The following TTN variants were observed in gnomAD, a reference collection of about 807,000 sequenced individuals.
TTN encodes the protein titin, also known as connectin.
Under a neutral mutation model 3,223.0 loss-of-function variants are expected in TTN, and 1,525 were observed. The observed-to-expected ratio is 0.47, with a 90% CI of 0.45 to 0.49. The LOEUF (loss-of-function observed/expected upper bound fraction) is 0.49. TTN is among the 20% of genes least tolerant of loss of function. The pLI, the probability that TTN is intolerant of heterozygous loss-of-function variation, is 0.00. For synonymous variants in TTN, 14,094 were observed against 15,161.0 expected (o/e 0.93, Z 5.17); for missense variants, 40,786 against 43,424.0 (o/e 0.94, Z 5.40).
rs546048021 is a variant in TTN at position 178,531,279 on chromosome 2, C to T, written c.105336G>A (p.Lys35112=). The T allele has an allele frequency of 1.2e-5, 19 of 1,613,994 alleles. No individual in the cohort carries two copies. The East Asian group carries it at 4.0e-4, about 34-fold the overall frequency. Reference sequence around the variant, plus strand: ...TGGTTGTGGATTTTTCTTCCAGTGACTTTTCTTCTAATGCAGCACTTTTCA... The same window carrying T: ...TGGTTGTGGATTTTTCTTCCAGTGATTTTTCTTCTAATGCAGCACTTTTCA... ...AEMKSAALEE[K]SLEEKSTTRK... The change falls in exon 358 of 363, where the codon AAG becomes AAA. Residue 35112 remains lysine (K), a synonymous_variant. Coordinates refer to ENST00000589042, the MANE Select transcript of TTN (RefSeq NM_001267550.2).
intron 335 of TTN, 146 bp from the exon 336 acceptor site, chr2:178,551,406 T>C (rs1699383563): frequency 2.7e-6 from 2 of 732,322 alleles, no homozygotes; most frequent in Non-Finnish European, 3.9e-6. Flanking sequence ...CCCAAACTCA[T>C]ATTGGTCATT....
rs1157109852 is a variant in TTN at position 178,681,750 on chromosome 2, C to T, written c.33095-12G>A. 1.3e-6 allele frequency: 2 copies of T among 1,573,254 alleles called. No homozygotes were observed. The highest frequency in any genetic ancestry group is 1.7e-6 in the Non-Finnish European group (2 of 1,164,968). ...AGGCTTCTCTGGTTCTTTAAAAGTACATACAAGGTATTTCATGTTAGACTT... is the reference window on the plus strand; with the variant it reads ...AGGCTTCTCTGGTTCTTTAAAAGTATATACAAGGTATTTCATGTTAGACTT... On this transcript the variant is annotated splice_polypyrimidine_tract_variant and intron_variant, in intron 135 of 362. Transcript: ENST00000589042.
At position 178,718,766 on chromosome 2, in the gene TTN, C is replaced by T. The variant is rs1560647433; in HGVS notation, c.24434G>A (p.Ser8145Asn). The change falls in exon 84 of 363, where the codon AGT becomes AAT. Residue 8145 changes from serine to asparagine, a missense_variant. Transcript: ENST00000589042. Reference sequence around the variant, plus strand: ...TGTAACGAGGCAAGAATAGTCTCCACTTTCTAATGGCTGCACCTCAAACAA... The same window carrying T: ...TGTAACGAGGCAAGAATAGTCTCCATTTTCTAATGGCTGCACCTCAAACAA... ...LELFEVQPLE[S>N]GDYSCLVTND... 1.9e-6 allele frequency: 3 copies of T among 1,613,780 alleles called. No individual in the cohort carries two copies. Among genetic ancestry groups the T allele is most frequent in the Admixed American group, 1.7e-5 (1 of 60,010 alleles).
In TTN at chr2:178,794,419, T is replaced by A; in HGVS notation, c.1378A>T (p.Ile460Phe). 1.2e-6 allele frequency: 2 copies of A among 1,614,208 alleles called. No homozygotes were observed. Among genetic ancestry groups the A allele is most frequent in the Non-Finnish European group, 1.7e-6 (2 of 1,180,022 alleles). The change falls in exon 8 of 363, where the codon ATC becomes TTC. Residue 460 changes from isoleucine (I) to phenylalanine (F), a missense_variant. Transcript: ENST00000589042. ...CGTACCTGTTCTTGAGCAGGTTGGA[T>A]GTGCACAGCAGTCGTGGTTGTCCTC... ...AQRTTTTAVHIQPAQEQVRKE... is the reference protein window; with the variant it reads ...AQRTTTTAVHFQPAQEQVRKE...
At chr2:178,726,836 G>A (rs930645353) in intron 69 of TTN, 15 of 332,902 alleles carry the variant, frequency 4.5e-5, no homozygotes, top group South Asian at 1.5e-4. Flanking sequence ...GAAACATCAC[G>A]TTTGATGTTT....
At position 178,633,609 on chromosome 2, in the gene TTN, C is replaced by T. The variant is rs1273953637; in HGVS notation, c.42750G>A (p.Leu14250=). 1.9e-6 allele frequency: 3 copies of T among 1,613,160 alleles called. No individual in the cohort carries two copies. The highest frequency in any genetic ancestry group is 2.5e-6 in the Non-Finnish European group (3 of 1,179,586). ...GTACATCTTTGCTCACTTCACACTTCAAAGTAATCTCATCCTTCTCCACTG... is the reference window on the plus strand; with the variant it reads ...GTACATCTTTGCTCACTTCACACTTTAAAGTAATCTCATCCTTCTCCACTG... ...KTAVEKDEIT[L]KCEVSKDVPV... Residue 14250 remains leucine, a synonymous_variant, in exon 232 of 363, where the codon TTG becomes TTA. Transcript: ENST00000589042.
At position 178,545,377 on chromosome 2, in the gene TTN, T is replaced by C; in HGVS notation, c.95722+11A>G. ...GGAGCATTGTATTTATGTATGATTC[T>C]TGGAGCTCACATGATGGTTCTCTGC... On this transcript the variant is annotated intron_variant, in intron 344 of 362. Transcript: ENST00000589042. The C allele has an allele frequency of 6.5e-7, 1 of 1,537,152 alleles. No homozygotes were observed. The highest frequency in any genetic ancestry group is 2.3e-5 in the East Asian group (1 of 43,934).
Position 178,618,334 on chromosome 2 carries a change from T to A in TTN, c.47124A>T (p.Thr15708=). 1.2e-6 allele frequency: 2 copies of A among 1,612,654 alleles called. No homozygotes were observed. The highest frequency in any genetic ancestry group is 1.7e-4 in the Middle Eastern group (1 of 6,050). ...TAAACTCACAACTCTCTGCACGGTC[T>A]GTGGCCAGAACCCAGGTCTTTCTCT... ...DIKRKTWVLA[T]DRAESCEFTV... Residue 15708 remains threonine, a synonymous_variant, in exon 252 of 363, where the codon ACA becomes ACT. Transcript: ENST00000589042.
Position 178,725,516 on chromosome 2 carries a change from T to A in TTN, c.20688A>T (p.Arg6896Ser). The A allele has an allele frequency of 6.2e-7, 1 of 1,613,394 alleles. No individual in the cohort carries two copies. Among genetic ancestry groups the A allele is most frequent in the Non-Finnish European group, 8.5e-7 (1 of 1,179,526 alleles). The change falls in exon 71 of 363, where the codon AGA (arginine) becomes AGT (serine). Residue 6896 changes from arginine to serine, a missense_variant. Transcript: ENST00000589042. ...ATGTAATCCTGATGTTTTCACTTTC[T>A]CTAATCACTTCTTCCTTCTCTTTAA... ...QWLKEKEEVI[R>S]ESENIRITFV... is the part of the protein sequence containing the mutation.
intron 278 of TTN, among the ~76,000 whole-genome samples, chr2:178,606,127 C>T (rs2054740403): frequency 6.6e-6 from 1 of 151,972 alleles, no homozygotes; most frequent in African/African-American, 2.4e-5. Flanking sequence ...TACTTTGAGT[C>T]ATGTTGCCTC....
At chr2:178,602,689 A>T in intron 282 of TTN, 99 bp from the exon 283 acceptor site, 1 of 867,760 alleles carries the variant, frequency 1.2e-6, no homozygotes, top group African/African-American at 1.8e-5. Flanking sequence ...TTAATCTATT[A>T]AAATATTAAA....
Position 178,535,335 on chromosome 2 carries a change from G to C in TTN, c.101280C>G (p.Phe33760Leu). Residue 33760 changes from phenylalanine (F) to leucine (L), a missense_variant, in exon 358 of 363, where the codon TTC becomes TTG. Transcript: ENST00000589042. ...INLFGKTSYQ[F>L]RVIAENKFGL... ...CAAATTTATTTTCAGCTATTACCCG[G>C]AACTGGTAACTTGTTTTTCCAAATA... 6.2e-7 allele frequency: 1 copy of C among 1,613,870 alleles called. No homozygotes were observed.
chr2:178,604,868 A>C lies in TTN; in HGVS notation c.54221T>G (p.Val18074Gly). The C allele has an allele frequency of 6.2e-7, 1 of 1,612,114 alleles. No individual in the cohort carries two copies. Among genetic ancestry groups the C allele is most frequent in the African/African-American group, 1.3e-5 (1 of 74,892 alleles). The change falls in exon 281 of 363, where the codon GTT becomes GGT. Residue 18074 changes from valine to glycine, a missense_variant. Physicochemically the swap from Val to Gly is moderately radical, Grantham distance 109. Coordinates refer to ENST00000589042, the MANE Select transcript of TTN (RefSeq NM_001267550.2). ...DRPSPPRNLA[V>G]TDIKAESCYL... The stretch of plus-strand genomic sequence containing the variant: ...GCAAGATTCAGCTTTAATGTCAGTA[A>C]CAGCAAGATTTCTTGGTGGGGATGG...
intron 147 of TTN, 96 bp from the exon 148 acceptor site, chr2:178,676,091 AGTCGCTCAAGACAG>A: frequency 8.7e-7 from 1 of 1,155,926 alleles, no homozygotes. Context: ...ATGTGTTAAC[AGTCGCTCAAGACAG>A]GTCTGTCATG....
In TTN at chr2:178,652,129, T is replaced by A. The variant is rs886042443; in HGVS notation, c.39262A>T (p.Ile13088Phe). Residue 13088 changes from isoleucine (I) to phenylalanine (F), a missense_variant, in exon 204 of 363, where the codon ATT (isoleucine) becomes TTT (phenylalanine). Ile to Phe is a conservative substitution (Grantham distance 21). Transcript: ENST00000589042. ...AVPEKKVPEA[I>F]PPKPESPPPE... is the part of the protein sequence containing the mutation. ...GGAGGACTTTCCGGTTTGGGAGGAATAGCTTCAGGCACCTTCTTTTCTGGG... is the reference window on the plus strand; with the variant it reads ...GGAGGACTTTCCGGTTTGGGAGGAAAAGCTTCAGGCACCTTCTTTTCTGGG... 1.2e-6 allele frequency: 2 copies of A among 1,612,362 alleles called. No individual in the cohort carries two copies. The highest frequency in any genetic ancestry group is 2.7e-5 in the African/African-American group (2 of 74,868).
Position 178,780,109 on chromosome 2 carries a change from G to A in TTN, c.3620C>T (p.Pro1207Leu). Residue 1207 changes from proline to leucine, a missense_variant, in exon 22 of 363, where the codon CCT becomes CTT. Pro to Leu is a moderately conservative substitution (Grantham distance 98). Coordinates refer to ENST00000589042, the MANE Select transcript of TTN (RefSeq NM_001267550.2). ...VQEPKVGETA[P>L]GFVYSEYEKE... Reference sequence around the variant, plus strand: ...TTCATACTCAGAGTATACAAATCCAGGTGCTGTTTCTCCAACTTTAGGTTC... The same window carrying A: ...TTCATACTCAGAGTATACAAATCCAAGTGCTGTTTCTCCAACTTTAGGTTC... 6.2e-7 allele frequency: 1 copy of A among 1,613,794 alleles called. No homozygotes were observed. The highest frequency in any genetic ancestry group is 8.5e-7 in the Non-Finnish European group (1 of 1,179,872).
rs1366456745 is a variant in TTN at position 178,621,837 on chromosome 2, T to C, written c.45082+3A>G. The C allele has an allele frequency of 6.2e-7, 1 of 1,611,922 alleles. No homozygotes were observed. Among genetic ancestry groups the C allele is most frequent in the Non-Finnish European group, 8.5e-7 (1 of 1,178,902 alleles). On this transcript the variant is annotated splice_donor_region_variant and intron_variant, in intron 244 of 362. Coordinates refer to ENST00000589042, the MANE Select transcript of TTN (RefSeq NM_001267550.2). ...ACTTCACAAAGAATGACTTTACTCT[T>C]ACCCAGAACTGTCAGCATGCCAGAA...
chr2:178,784,080 C>T lies in TTN; in HGVS notation c.2765G>A (p.Arg922His), dbSNP rs56046320. 914 of 1,613,180 alleles carry T rather than the reference C, an allele frequency of 5.7e-4. 11 individuals carry two copies. The African/African-American group carries it at 9.7e-3, about 17-fold the overall frequency. The change falls in exon 16 of 363, where the codon CGC becomes CAC. Residue 922 changes from arginine (R) to histidine (H), a missense_variant. Arg to His is a conservative substitution (Grantham distance 29). Coordinates refer to ENST00000589042, the MANE Select transcript of TTN (RefSeq NM_001267550.2). ...TAACCAGTGACCAACCTTGGCTTCG[C>T]GTCCGTGCAGTACTTCAAAGCGCTC... is the stretch of plus-strand genomic sequence containing the variant. ...REERFEVLHG[R>H]EAKVTETARV...
rs1701805005 is a variant in TTN at position 178,557,154 on chromosome 2, T to C, written c.88010-10A>G. The C allele has an allele frequency of 1.9e-6, 3 of 1,612,944 alleles. No homozygotes were observed. Among genetic ancestry groups the C allele is most frequent in the East Asian group, 2.2e-5 (1 of 44,746 alleles). ...ACATTTCTTGGGGGTTCTGTGGTAA[T>C]AAGAGAAGCAGATTAGCGGCACTTA... On this transcript the variant is annotated splice_polypyrimidine_tract_variant and intron_variant, in intron 329 of 362. Transcript: ENST00000589042.
Sources: allele counts gnomAD v4.1 joint callset (sites outside exome capture counted in the v4.1 genomes callset), GRCh38; gene constraint gnomAD v4.1.1; transcripts MANE v1.5; gene names NCBI Gene and HGNC (gene_info 2026-07-23, HGNC 2026-07-21).